The following ITGA2 variants were observed in gnomAD, a reference collection of about 807,000 sequenced individuals.
ITGA2 encodes integrin subunit alpha 2.
ITGA2 carries 101 observed loss-of-function variants against 146.3 expected under a neutral mutation model. The observed-to-expected ratio is 0.69, with a 90% confidence interval of 0.59 to 0.81. The LOEUF (loss-of-function observed/expected upper bound fraction) is 0.81. ITGA2 is among the 40% of genes least tolerant of loss of function. The probability of loss-of-function intolerance (pLI) is 0.00; values close to 1 mark genes in which losing one functional copy is unlikely to be tolerated. For synonymous variants in ITGA2, 477 were observed against 487.1 expected, an observed-to-expected ratio of 0.98 and a Z score of 0.27; for missense variants, 1,281 against 1,402.7, an observed-to-expected ratio of 0.91 and a Z score of 1.39.
intron 1 of ITGA2, among the ~76,000 whole-genome samples, chr5:52,999,914 T>C (rs1741481025): frequency 6.6e-6 from 1 of 152,160 alleles, no homozygotes; most frequent in Non-Finnish European, 1.5e-5. Flanking sequence ...AAATAAAAGA[T>C]TTCCAGGATC....
intron 1 of ITGA2, among the ~76,000 whole-genome samples, chr5:53,012,441 A>G (rs1446515569): frequency 6.6e-6 from 1 of 152,178 alleles, no homozygotes; most frequent in Non-Finnish European, 1.5e-5. Context: ...TGTCTTAAGC[A>G]TCAGCATTTA....
intron 23 of ITGA2, among the ~76,000 whole-genome samples, chr5:53,078,459 A>G (rs1022575749): frequency 6.6e-6 from 1 of 152,156 alleles, no homozygotes; most frequent in Non-Finnish European, 1.5e-5. Flanking sequence ...AATCTTGGGA[A>G]GACTTCTACT....
chr5:53,075,020 A>G (rs758707883), intron 21 of ITGA2, 41 bp from the exon 22 acceptor site: 2 of 1,340,820 alleles, frequency 1.5e-6, no homozygotes, highest in Non-Finnish European at 2.1e-6. Context: ...GCCTCTGAGT[A>G]TGAAGCATCA....
rs769602532 is a variant in ITGA2, at chr5:53,071,918, TTG to T, written c.2236-10_2236-9del. The stretch of plus-strand genomic sequence containing the variant: ...ACTGACTCTGTCTCCCCCTGTATGT[TTG>T]TGTGTGTGTATGTTTAGGAGCCCTC... On this transcript the variant is annotated intron_variant, in intron 17 of 29. Transcript: ENST00000296585. 2.6e-5 allele frequency: 40 copies of T among 1,539,388 alleles called. No individual in the cohort carries two copies. The highest frequency in any genetic ancestry group is 3.4e-5 in the Non-Finnish European group (38 of 1,113,024).
In ITGA2 at chr5:53,083,306, G is replaced by T. The variant is rs376141265; in HGVS notation, c.3145-34G>T. 2.7e-4 allele frequency: 346 copies of T among 1,305,072 alleles called. 4 individuals are homozygous for T. Among genetic ancestry groups the T allele is most frequent in the Middle Eastern group, 1.5e-3 (8 of 5,458 alleles). The allele number at this position is 1,305,072 out of a possible 1,614,324, so 80.8% of individuals were successfully genotyped here. On this transcript the variant is annotated intron_variant, in intron 26 of 29. Coordinates refer to ENST00000296585, the MANE Select transcript of ITGA2 (RefSeq NM_002203.4). The stretch of plus-strand genomic sequence containing the variant: ...TTTATTTTTTAACTCTTACTAACTT[G>T]CTCTCTCTTTTACCTTTGACTCAAT...
intron 7 of ITGA2, among the ~76,000 whole-genome samples, chr5:53,054,908 C>T (rs1360248626): frequency 6.6e-6 from 1 of 151,896 alleles, no homozygotes; most frequent in Non-Finnish European, 1.5e-5. Flanking sequence ...CCAAATACCA[C>T]CTGTTCCCCA....
In ITGA2 at chr5:52,989,413, T is replaced by TCCTCTGCAAA. The variant is rs1194653211; in HGVS notation, c.-43_-34dup. The TCCTCTGCAAA allele has an allele frequency of 9.5e-6, 15 of 1,571,550 alleles. No individual in the cohort carries two copies. The highest frequency in any genetic ancestry group is 3.3e-5 in the South Asian group (3 of 90,228). On this transcript the variant is annotated 5_prime_UTR_variant, in exon 1 of 30. Transcript: ENST00000296585. ...TTCTCGTATCCCTCGGCCAAGGGTA[T>TCCTCTGCAAA]CCTCTGCAAACCTCTGCAAACCCAG...
intron 12 of ITGA2, among the ~76,000 whole-genome samples, chr5:53,062,537 GTC>G (rs1027341315): frequency 1.3e-5 from 2 of 151,806 alleles, no homozygotes; most frequent in Non-Finnish European, 2.9e-5. Flanking sequence ...CTAGAAATGG[GTC>G]TCAGGGATCT....
Position 53,056,164 on chromosome 5 carries a change from C to T in ITGA2, c.1096+15C>T, listed in dbSNP as rs375452928. 5 of 1,607,424 alleles carry T rather than the reference C, an allele frequency of 3.1e-6. No homozygotes were observed. Among genetic ancestry groups the T allele is most frequent in the Non-Finnish European group, 4.3e-6 (5 of 1,175,770 alleles). On this transcript the variant is annotated intron_variant, in intron 9 of 29. Coordinates refer to ENST00000296585, the MANE Select transcript of ITGA2 (RefSeq NM_002203.4). ...CAGCATTGAAGGTAAAAAAAATAAC[C>T]TCCTTTCAAGAATTTTCTTCAAAAT...
chr5:53,083,238 T>A (rs1746011388), intron 26 of ITGA2, 102 bp from the exon 27 acceptor site: 2 of 735,880 alleles, frequency 2.7e-6, no homozygotes, highest in African/African-American at 3.5e-5. Context: ...TTTCCCTAGG[T>A]GTGTCCCAGC....
intron 15 of ITGA2, among the ~76,000 whole-genome samples, chr5:53,066,845 C>T (rs965052322): frequency 9.9e-5 from 15 of 151,572 alleles, no homozygotes; most frequent in African/African-American, 3.6e-4. Flanking sequence ...AGTAGCATAT[C>T]AAGAGTAAAT....
chr5:53,060,974 C>T lies in ITGA2; in HGVS notation c.1386C>T (p.Thr462=), dbSNP rs772839727. 2.4e-5 allele frequency: 38 copies of T among 1,612,162 alleles called. No homozygotes were observed. Among genetic ancestry groups the T allele is most frequent in the Non-Finnish European group, 2.8e-5 (33 of 1,178,860 alleles). The change falls in exon 12 of 30, where the codon ACC becomes ACT. Residue 462 remains threonine, a synonymous_variant. Coordinates refer to ENST00000296585, the MANE Select transcript of ITGA2 (RefSeq NM_002203.4). ...CTGGTGCTCCTCGGGCAAATTATAC[C>T]GGCCAGATAGTGCTATATAGTGTGA... ...FVAGAPRANY[T]GQIVLYSVNE...
intron 9 of ITGA2, among the ~76,000 whole-genome samples, chr5:53,057,178 G>A (rs1002761798): frequency 6.6e-6 from 1 of 151,930 alleles, no homozygotes; most frequent in African/African-American, 2.4e-5. Flanking sequence ...CAATCTACAA[G>A]CTAGCTAGAA....
chr5:53,085,614 A>G (rs1020618564), intron 27 of ITGA2, among the ~76,000 whole-genome samples: 2 of 152,186 alleles, frequency 1.3e-5, no homozygotes, highest in Non-Finnish European at 2.9e-5. Flanking sequence ...TTCTGATCCA[A>G]TCATCTATAT....
intron 26 of ITGA2, among the ~76,000 whole-genome samples, chr5:53,083,112 G>C (rs1170153196): frequency 6.6e-6 from 1 of 152,034 alleles, no homozygotes; most frequent in Admixed American, 6.6e-5. Context: ...TATCTATACA[G>C]ACAGGAAATG....
At chr5:53,052,862 G>A (rs2111930318) in intron 7 of ITGA2, among the ~76,000 whole-genome samples, 2 of 152,206 alleles carry the variant, frequency 1.3e-5, no homozygotes, top group East Asian at 3.9e-4. Flanking sequence ...TCTATCCACT[G>A]TCATGGCATC....
At chr5:53,082,931 TGTA>T (rs1745993339) in intron 26 of ITGA2, among the ~76,000 whole-genome samples, 2 of 152,346 alleles carry the variant, frequency 1.3e-5, no homozygotes, top group Non-Finnish European at 2.9e-5. Flanking sequence ...AATGACAAAT[TGTA>T]GTACATTTTG....
chr5:53,093,549 C>T lies in ITGA2; in HGVS notation c.*2950C>T, dbSNP rs1323507128. On this transcript the variant is annotated 3_prime_UTR_variant, in exon 30 of 30. Transcript: ENST00000296585. ...GAGCATGCTCCCCCCGCAGTCATGA[C>T]AATCAAAAAATGTCTCCAGACATTG... The T allele has an allele frequency of 1.3e-5, 2 of 152,116 alleles. No individual in the cohort carries two copies. The highest frequency in any genetic ancestry group is 4.8e-5 in the African/African-American group (2 of 41,414). 9.4% of individuals were successfully genotyped at this position (152,116 alleles called of 1,614,324 possible).
chr5:53,040,733 C>T lies in ITGA2; in HGVS notation c.186-1379C>T, dbSNP rs184286627. On this transcript the variant is annotated intron_variant, in intron 2 of 29. Coordinates refer to ENST00000296585, the MANE Select transcript of ITGA2 (RefSeq NM_002203.4). The stretch of plus-strand genomic sequence containing the variant: ...TTTGAGAATAATTTTATAAGATGAA[C>T]GAGGAGAGAACTTATTAATGAACTA... Among the ~76,000 whole-genome samples, 175 of 152,202 alleles carry T rather than the reference C, an allele frequency of 1.1e-3. 1 individual carries two copies. Among genetic ancestry groups the T allele is most frequent in the Non-Finnish European group, 2.0e-3 (135 of 67,992 alleles).
Sources: allele counts gnomAD v4.1 joint callset (sites outside exome capture counted in the v4.1 genomes callset), GRCh38; gene constraint gnomAD v4.1.1; transcripts MANE v1.5; gene names NCBI Gene and HGNC (gene_info 2026-07-23, HGNC 2026-07-21).